Variants in GRIA2 observed in about 807,000 individuals in gnomAD.
GRIA2 encodes the protein glutamate receptor 2.
GRIA2 carries 14 observed loss-of-function variants against 97.3 expected under a neutral mutation model. The observed-to-expected ratio is 0.14, with a 90% CI of 0.10 to 0.23. The LOEUF is 0.23. Among genes scored for constraint, GRIA2 ranks in the 10% least tolerant of loss-of-function variants. The pLI, the probability that GRIA2 is intolerant of heterozygous loss-of-function variation, is 1.00. For synonymous variants in GRIA2, 412 were observed against 387.8 expected (o/e 1.06, Z -0.73); for missense variants, 558 against 1,069.8 (o/e 0.52, Z 6.67).
rs563267961 is a variant in GRIA2, at chr4:157,239,507, G to T, written c.229+17700G>T. 2.0e-5 allele frequency among the ~76,000 whole-genome samples: 3 copies of T among 151,824 alleles called. No homozygotes were observed. In the East Asian group the frequency reaches 5.8e-4, roughly 29 times the overall value. On this transcript the variant is annotated intron_variant, in intron 2 of 15. Transcript: ENST00000264426. ...AATTCTATATTAATAACATAATTCTGTTGTTAATTTTATATTGCTCTATTT... is the reference window on the plus strand; with the variant it reads ...AATTCTATATTAATAACATAATTCTTTTGTTAATTTTATATTGCTCTATTT...
intron 2 of GRIA2, among the ~76,000 whole-genome samples, chr4:157,257,681 G>T (rs548265189): frequency 6.6e-6 from 1 of 151,804 alleles, no homozygotes; most frequent in Non-Finnish European, 1.5e-5. Flanking sequence ...AATTTTTATG[G>T]CAACCAACTA....
At position 157,253,432 on chromosome 4, in the gene GRIA2, G is replaced by T. The variant is rs145387032; in HGVS notation, c.229+31625G>T. ...ATGCCTGGCCCCTTTTTGTTTTAATGTAAAATACAGTAAGTGGGAATAAGT... is the reference window on the plus strand; with the variant it reads ...ATGCCTGGCCCCTTTTTGTTTTAATTTAAAATACAGTAAGTGGGAATAAGT... On this transcript the variant is annotated intron_variant, in intron 2 of 15. Coordinates refer to ENST00000264426, the MANE Select transcript of GRIA2 (RefSeq NM_001083619.3). 5.9e-3 allele frequency among the ~76,000 whole-genome samples: 901 copies of T among 152,008 alleles called. 7 individuals carry two copies. Among genetic ancestry groups the T allele is most frequent in the African/African-American group, 0.02 (830 of 41,506 alleles).
In GRIA2 at chr4:157,221,738, T is replaced by A; in HGVS notation, c.160T>A (p.Ser54Thr). ...AGTAGGGATGGTTCAGTTTTCCACTTCGGAGTTCAGACTGACACCCCACAT... is the reference window on the plus strand; with the variant it reads ...AGTAGGGATGGTTCAGTTTTCCACTACGGAGTTCAGACTGACACCCCACAT... ...FRVGMVQFST[S>T]EFRLTPHIDN... Residue 54 changes from serine (S) to threonine (T), a missense_variant, in exon 2 of 16, where the codon TCG becomes ACG. Physicochemically the swap from Ser to Thr is moderately conservative, Grantham distance 58. Coordinates refer to ENST00000264426, the MANE Select transcript of GRIA2 (RefSeq NM_001083619.3). 2 of 1,613,958 alleles carry A rather than the reference T, an allele frequency of 1.2e-6. No individual in the cohort carries two copies. The highest frequency in any genetic ancestry group is 1.7e-6 in the Non-Finnish European group (2 of 1,179,860).
chr4:157,269,782 G>T (rs961422522), intron 2 of GRIA2, among the ~76,000 whole-genome samples: 2 of 152,052 alleles, frequency 1.3e-5, no homozygotes, highest in Non-Finnish European at 2.9e-5. Flanking sequence ...AAATTTAAAT[G>T]TGTCTGTTAA....
chr4:157,257,670 G>A (rs529878275), intron 2 of GRIA2, among the ~76,000 whole-genome samples: 1 of 151,946 alleles, frequency 6.6e-6, no homozygotes, highest in East Asian at 1.9e-4. Context: ...TTTATTAAAA[G>A]AATTTTTATG....
chr4:157,274,207 T>C (rs1457328066), intron 2 of GRIA2, among the ~76,000 whole-genome samples: 1 of 151,968 alleles, frequency 6.6e-6, no homozygotes, highest in Non-Finnish European at 1.5e-5. Flanking sequence ...AGACCTACCT[T>C]GCAAGAAATG....
intron 11 of GRIA2, 91 bp downstream of exon 11, chr4:157,336,838 C>G: frequency 8.4e-7 from 1 of 1,187,390 alleles, no homozygotes. Context: ...AAGTTACCAG[C>G]TGCCGACTTC....
chr4:157,282,491 T>C (rs1732650615), intron 2 of GRIA2, among the ~76,000 whole-genome samples: 1 of 151,864 alleles, frequency 6.6e-6, no homozygotes, highest in African/African-American at 2.4e-5. Flanking sequence ...ATGAAGAAAA[T>C]AGTGTGGGGG....
chr4:157,359,483 C>G (rs1186756037), intron 12 of GRIA2, among the ~76,000 whole-genome samples: 1 of 152,198 alleles, frequency 6.6e-6, no homozygotes, highest in South Asian at 2.1e-4. Flanking sequence ...CATGCCTGAC[C>G]AACCCACATT....
At chr4:157,326,164 GA>G (rs200960087) in intron 6 of GRIA2, among the ~76,000 whole-genome samples, 1,845 of 152,002 alleles carry the variant, frequency 0.012, 40 homozygotes, top group African/African-American at 0.042. Context: ...TCTTTTTCTT[GA>G]CTGTTGTCCC....
chr4:157,329,068 G>GT (rs1231542062), intron 6 of GRIA2, among the ~76,000 whole-genome samples: 1 of 151,788 alleles, frequency 6.6e-6, no homozygotes, highest in Non-Finnish European at 1.5e-5. Context: ...TTTCCATAGG[G>GT]TAAACTGTAG....
At position 157,292,885 on chromosome 4, in the gene GRIA2, G is replaced by C. The variant is rs1733170670; in HGVS notation, c.230-10667G>C. Among the ~76,000 whole-genome samples, 3 of 151,836 alleles carry C rather than the reference G, an allele frequency of 2.0e-5. No individual in the cohort carries two copies. The South Asian group carries it at 6.2e-4, about 32-fold the overall frequency. ...CCAAGTTTTTTAATGTCTAAAATAT[G>C]GATAATATTAGGACCCATGTGGCTT... On this transcript the variant is annotated intron_variant, in intron 2 of 15. Transcript: ENST00000264426.
intron 2 of GRIA2, among the ~76,000 whole-genome samples, chr4:157,276,494 A>G (rs183654885): frequency 6.6e-6 from 1 of 152,076 alleles, no homozygotes; most frequent in African/African-American, 2.4e-5. Flanking sequence ...GAGCAAATAA[A>G]ACTGATGTAA....
At chr4:157,264,967 C>CT (rs1225723758) in intron 2 of GRIA2, among the ~76,000 whole-genome samples, 11 of 152,018 alleles carry the variant, frequency 7.2e-5, no homozygotes, top group Non-Finnish European at 1.5e-5. Context: ...TAAACTGAGA[C>CT]ACAGAGAGTT....
At chr4:157,317,963 C>T (rs1333213424) in intron 5 of GRIA2, among the ~76,000 whole-genome samples, 1 of 151,994 alleles carries the variant, frequency 6.6e-6, no homozygotes, top group Non-Finnish European at 1.5e-5. Context: ...TGACAAGAGA[C>T]AAACCCTGTC....
intron 2 of GRIA2, among the ~76,000 whole-genome samples, chr4:157,233,170 G>A (rs1350958378): frequency 2.0e-5 from 3 of 152,012 alleles, no homozygotes; most frequent in South Asian, 2.1e-4. Context: ...AATGCCTTTC[G>A]GTGACAAAGA....
In GRIA2 at chr4:157,266,047, A is replaced by T. The variant is rs542007240; in HGVS notation, c.230-37505A>T. On this transcript the variant is annotated intron_variant, in intron 2 of 15. Coordinates refer to ENST00000264426, the MANE Select transcript of GRIA2 (RefSeq NM_001083619.3). ...GAAGGTGAGGTAGCAGAAAGCAAGGATCTTCCTTCTGTCTTGATAAGTTAG... is the reference window on the plus strand; with the variant it reads ...GAAGGTGAGGTAGCAGAAAGCAAGGTTCTTCCTTCTGTCTTGATAAGTTAG... 4.6e-5 allele frequency among the ~76,000 whole-genome samples: 7 copies of T among 152,178 alleles called. No homozygotes were observed. In the South Asian group the frequency reaches 1.2e-3, roughly 27 times the overall value.
At chr4:157,263,912 A>T (rs557533949) in intron 2 of GRIA2, among the ~76,000 whole-genome samples, 1 of 152,128 alleles carries the variant, frequency 6.6e-6, no homozygotes, top group South Asian at 2.1e-4. Flanking sequence ...TTTCTTTTCT[A>T]CTATTTCTCT....
chr4:157,329,273 TA>T (rs1489412175), intron 6 of GRIA2, among the ~76,000 whole-genome samples: 1 of 151,982 alleles, frequency 6.6e-6, no homozygotes, highest in Non-Finnish European at 1.5e-5. Flanking sequence ...AATTATTTTG[TA>T]AAAGGATGAA....
Sources: allele counts gnomAD v4.1 joint callset (sites outside exome capture counted in the v4.1 genomes callset), GRCh38; gene constraint gnomAD v4.1.1; transcripts MANE v1.5; gene names NCBI Gene and HGNC (gene_info 2026-07-23, HGNC 2026-07-21).